Variants in DAB1 observed in about 807,000 individuals in gnomAD.
The protein encoded by DAB1 is DAB adaptor protein 1.
DAB1 carries 15 observed loss-of-function variants against 64.6 expected under a neutral mutation model. The observed-to-expected ratio is 0.23, with a 90% confidence interval of 0.16 to 0.36. The LOEUF is 0.36. Ranked by LOEUF, DAB1 falls within the 10% of genes least tolerant of loss-of-function variation. The pLI is 1.00. For missense variants in DAB1, 596 were observed against 706.7 expected, an observed-to-expected ratio of 0.84 and a Z score of 1.78; for synonymous variants, 235 against 251.9, an observed-to-expected ratio of 0.93 and a Z score of 0.64.
At chr1:57,100,119 C>A (rs1654532517) in intron 4 of DAB1, among the ~76,000 whole-genome samples, 1 of 152,186 alleles carries the variant, frequency 6.6e-6, no homozygotes, top group Admixed American at 6.5e-5. Flanking sequence ...TCACCACTAG[C>A]TACGGGATCT....
chr1:57,761,380 T>C (rs1924265), intron 6 of DAB1, among the ~76,000 whole-genome samples: 84,091 of 151,944 alleles, frequency 0.55, 23,773 homozygotes, highest in African/African-American at 0.66. Flanking sequence ...TTAAGGAAAT[T>C]ATAAAATCAA....
chr1:57,623,734 G>A (rs1645889381), intron 7 of DAB1, among the ~76,000 whole-genome samples: 3 of 152,202 alleles, frequency 2.0e-5, no homozygotes, highest in South Asian at 4.1e-4. Context: ...GAATTTGAAC[G>A]TCCCTAGGCT....
chr1:57,534,077 C>T (rs979711550), intron 7 of DAB1, among the ~76,000 whole-genome samples: 1 of 152,074 alleles, frequency 6.6e-6, no homozygotes, highest in East Asian at 1.9e-4. Flanking sequence ...CTAATGCTCT[C>T]TCTGTCTTCA....
At chr1:57,100,790 G>A (rs1294742389) in intron 4 of DAB1, among the ~76,000 whole-genome samples, 1 of 151,904 alleles carries the variant, frequency 6.6e-6, no homozygotes, top group Non-Finnish European at 1.5e-5. Context: ...GGGAAATGAA[G>A]CACGCATGAG....
At chr1:57,845,414 G>C (rs967079626) in intron 1 of DAB1, among the ~76,000 whole-genome samples, 1 of 152,162 alleles carries the variant, frequency 6.6e-6, no homozygotes, top group African/African-American at 2.4e-5. Flanking sequence ...TCCAATTTCT[G>C]GTAGTCTTGC....
chr1:58,127,643 G>A (rs138887383), intron 5 of DAB1, among the ~76,000 whole-genome samples: 1,788 of 152,310 alleles, frequency 0.012, 42 homozygotes, highest in African/African-American at 0.041. Flanking sequence ...TGTATAAGGT[G>A]TAAGGAACGG....
At chr1:57,986,715 T>G (rs894420969) in intron 5 of DAB1, among the ~76,000 whole-genome samples, 1 of 152,176 alleles carries the variant, frequency 6.6e-6, no homozygotes, top group Non-Finnish European at 1.5e-5. Flanking sequence ...CAGGAAAGTG[T>G]CTTCCAAAGT....
chr1:57,595,328 T>C (rs199810675), intron 7 of DAB1, among the ~76,000 whole-genome samples: 10 of 152,114 alleles, frequency 6.6e-5, no homozygotes, highest in East Asian at 3.8e-4. Flanking sequence ...AGAAAAGTCA[T>C]TGTGAAAGGA....
At chr1:57,297,551 TAGAG>T (rs966906755) in intron 1 of DAB1, among the ~76,000 whole-genome samples, 27 of 152,198 alleles carry the variant, frequency 1.8e-4, no homozygotes, top group African/African-American at 3.6e-4. Flanking sequence ...CGTACATACA[TAGAG>T]AGAAAACACA....
At chr1:58,492,541 A>G (rs569130132) in intron 3 of DAB1, among the ~76,000 whole-genome samples, 1 of 152,332 alleles carries the variant, frequency 6.6e-6, no homozygotes, top group African/African-American at 2.4e-5. Context: ...ACAGGAAAAG[A>G]GAGAAGAATC....
chr1:57,053,727 G>A (rs1393319245), intron 9 of DAB1, among the ~76,000 whole-genome samples: 20 of 115,056 alleles, frequency 1.7e-4, no homozygotes, highest in Admixed American at 5.7e-4. Context: ...TCACTCTATC[G>A]CCCAGGCTGG....
intron 7 of DAB1, among the ~76,000 whole-genome samples, chr1:57,526,312 AG>A (rs748267599): frequency 1.7e-4 from 26 of 152,190 alleles, no homozygotes; most frequent in Non-Finnish European, 3.4e-4. Flanking sequence ...TTATATCTAA[AG>A]AATTTGGAAA....
At chr1:58,006,934 C>T (rs950480020) in intron 5 of DAB1, among the ~76,000 whole-genome samples, 1 of 152,182 alleles carries the variant, frequency 6.6e-6, no homozygotes, top group African/African-American at 2.4e-5. Context: ...TGTCTTCCAG[C>T]TTCCCTGACA....
intron 4 of DAB1, among the ~76,000 whole-genome samples, chr1:57,121,254 G>T (rs934198319): frequency 6.6e-6 from 1 of 151,322 alleles, no homozygotes; most frequent in Admixed American, 6.6e-5. Context: ...AGGAAGAGGA[G>T]GAAGCATACT....
chr1:57,605,842 T>C (rs1162097446), intron 7 of DAB1: 5 of 566,726 alleles, frequency 8.8e-6, no homozygotes, highest in Non-Finnish European at 1.6e-5. Context: ...ATTAAGACAG[T>C]TGACTTAAGC....
intron 7 of DAB1, among the ~76,000 whole-genome samples, chr1:57,582,716 C>T (rs1225839781): frequency 6.6e-6 from 1 of 152,314 alleles, no homozygotes; most frequent in Non-Finnish European, 1.5e-5. Context: ...CCACAGGGTC[C>T]GATGCCACTC....
At position 56,994,816 on chromosome 1, in the gene DAB1, T is replaced by C. The variant is rs1041822786; in HGVS notation, c.*3328A>G. On this transcript the variant is annotated 3_prime_UTR_variant, in exon 15 of 15. Coordinates refer to ENST00000371236, the MANE Select transcript of DAB1 (RefSeq NM_001365792.1). ...CATGTTTATTTGTAACAGTTTTACA[T>C]GGTGTGTTACAGAAATTAATGGAAA... 1.8e-4 allele frequency: 28 copies of C among 152,346 alleles called. No individual in the cohort carries two copies. The highest frequency in any genetic ancestry group is 6.3e-4 in the African/African-American group (26 of 41,580). 9.4% of individuals were successfully genotyped at this position (152,346 alleles called of 1,614,324 possible).
chr1:57,895,215 C>T (rs1261486559), intron 5 of DAB1, among the ~76,000 whole-genome samples: 2 of 152,142 alleles, frequency 1.3e-5, no homozygotes, highest in African/African-American at 4.8e-5. Flanking sequence ...CGCGTGTGTG[C>T]CAAACCCTGT....
intron 3 of DAB1, among the ~76,000 whole-genome samples, chr1:58,422,040 G>T (rs137982628): frequency 2.0e-5 from 3 of 151,864 alleles, no homozygotes; most frequent in Non-Finnish European, 4.4e-5. Flanking sequence ...TGGGATTCCA[G>T]AATCCTCAGC....
Sources: gnomAD v4.1 joint callset for allele counts (sites outside exome capture counted in the v4.1 genomes callset) on GRCh38, gnomAD v4.1.1 for gene constraint, MANE v1.5 for transcripts, NCBI Gene and HGNC (gene_info 2026-07-23, HGNC 2026-07-21) for gene names.